RANBP17: variants seen among roughly 807,000 people sequenced by gnomAD.
RANBP17 encodes the protein RAN binding protein 17.
A neutral mutation model predicts 141.2 loss-of-function variants in RANBP17; 158 were observed. The observed-to-expected ratio is 1.12, with a 90% CI of 0.98 to 1.28. The LOEUF is 1.28. Among genes scored for constraint, RANBP17 ranks in the 50% most tolerant of loss-of-function variants. The probability of loss-of-function intolerance (pLI) is 0.00; values close to 1 mark genes in which losing one functional copy is unlikely to be tolerated. For missense variants in RANBP17, 1,438 were observed against 1,290.7 expected, an observed-to-expected ratio of 1.11 and a Z score of -1.75; for synonymous variants, 430 against 450.0, an observed-to-expected ratio of 0.96 and a Z score of 0.56.
Position 171,183,167 on chromosome 5 carries a change from T to TTATA in RANBP17, c.1868_1871dup (p.Leu625TyrfsTer22), listed in dbSNP as rs1311235651. 6.8e-7 allele frequency: 1 copy of TTATA among 1,477,978 alleles called. No individual in the cohort carries two copies. The highest frequency in any genetic ancestry group is 1.1e-5 in the South Asian group (1 of 88,038). The allele number at this position is 1,477,978 out of a possible 1,614,324, so 91.6% of individuals were successfully genotyped here. On this transcript the variant is annotated frameshift_variant and splice_region_variant, in exon 17 of 28. Transcript: ENST00000523189. LOFTEE classifies it high-confidence loss of function. ...CCTTAGATTCCTTAACTTCTATTAC[T>TTATA]TATATCCTTTTAAAAAAACTTGTGA... is the stretch of plus-strand genomic sequence containing the variant.
At chr5:171,219,907 T>G (rs1763445126) in intron 21 of RANBP17, among the ~76,000 whole-genome samples, 1 of 152,070 alleles carries the variant, frequency 6.6e-6, no homozygotes, top group Admixed American at 6.5e-5. Context: ...TTCATCAAAC[T>G]CATTCTCCGT....
chr5:171,232,758 T>C (rs893799294), intron 22 of RANBP17, among the ~76,000 whole-genome samples: 14 of 152,194 alleles, frequency 9.2e-5, no homozygotes, highest in Non-Finnish European at 2.1e-4. Flanking sequence ...AATTTGTTGG[T>C]TTTTATTTAT....
intron 5 of RANBP17, among the ~76,000 whole-genome samples, chr5:170,907,199 A>G (rs1771134361): frequency 6.6e-6 from 1 of 151,910 alleles, no homozygotes; most frequent in African/African-American, 2.4e-5. Context: ...TTTAGAAGCT[A>G]GAGTTTCTGT....
rs1773535603 is a variant in RANBP17 at position 170,933,048 on chromosome 5, T to C, written c.1468+8498T>C. The stretch of plus-strand genomic sequence containing the variant: ...TGTGAATCCATCTGGTCCTGGACTT[T>C]TTTTGGTTGGTAGGCTATTAATTAT... On this transcript the variant is annotated intron_variant, in intron 12 of 27. Coordinates refer to ENST00000523189, the MANE Select transcript of RANBP17 (RefSeq NM_022897.5). Among the ~76,000 whole-genome samples the C allele has an allele frequency of 5.3e-5, 8 of 152,182 alleles. No homozygotes were observed. In the South Asian group the frequency reaches 1.7e-3, roughly 32 times the overall value.
intron 14 of RANBP17, among the ~76,000 whole-genome samples, chr5:171,049,627 T>C (rs1440067222): frequency 2.0e-5 from 3 of 152,190 alleles, no homozygotes; most frequent in Admixed American, 2.0e-4. Context: ...CTTTAATCAA[T>C]CTTGAATTGA....
At chr5:171,173,152 C>A (rs974001131) in intron 16 of RANBP17, among the ~76,000 whole-genome samples, 3 of 151,936 alleles carry the variant, frequency 2.0e-5, no homozygotes, top group African/African-American at 7.2e-5. Context: ...CATGAAATAT[C>A]TTTGAATTCA....
chr5:171,211,270 T>C (rs1762863107), intron 20 of RANBP17, among the ~76,000 whole-genome samples: 1 of 148,534 alleles, frequency 6.7e-6, no homozygotes, highest in African/African-American at 2.5e-5. Context: ...TTTGTAGTAC[T>C]TTTTTTTTTG....
chr5:171,205,075 A>G (rs1283128021), intron 19 of RANBP17, among the ~76,000 whole-genome samples: 1 of 152,174 alleles, frequency 6.6e-6, no homozygotes, highest in East Asian at 1.9e-4. Context: ...GTTATTAAGG[A>G]TATTCATTAG....
At chr5:171,155,094 A>AAAATATATATATATATAT (rs34090443) in intron 14 of RANBP17, among the ~76,000 whole-genome samples, 20 of 74,958 alleles carry the variant, frequency 2.7e-4, no homozygotes, top group African/African-American at 8.9e-4. Flanking sequence ...AAAAAAAAAA[A>AAAATATATATATATATAT]ATATATATAT....
intron 18 of RANBP17, among the ~76,000 whole-genome samples, chr5:171,191,680 C>T (rs1375721156): frequency 6.7e-6 from 1 of 150,006 alleles, no homozygotes; most frequent in Admixed American, 6.6e-5. Flanking sequence ...GAGCGAGACT[C>T]CGTCTCAAAA....
chr5:171,298,916 G>C lies in RANBP17; in HGVS notation c.*58G>C. Reference sequence around the variant, plus strand: ...TTATCAAGAGACTCCTGAAGGTCTGGGTCTCAGGACAGTGATGTTGGCTAG... The same window carrying C: ...TTATCAAGAGACTCCTGAAGGTCTGCGTCTCAGGACAGTGATGTTGGCTAG... On this transcript the variant is annotated 3_prime_UTR_variant, in exon 28 of 28. Transcript: ENST00000523189. 1 of 1,368,928 alleles carries C rather than the reference G, an allele frequency of 7.3e-7. No homozygotes were observed. The highest frequency in any genetic ancestry group is 1.0e-6 in the Non-Finnish European group (1 of 959,412). The allele number at this position is 1,368,928 out of a possible 1,614,324, so 84.8% of individuals were successfully genotyped here.
intron 13 of RANBP17, among the ~76,000 whole-genome samples, chr5:170,961,611 A>G (rs1776152891): frequency 6.6e-6 from 1 of 152,232 alleles, no homozygotes; most frequent in South Asian, 2.1e-4. Flanking sequence ...GGAAATGCTC[A>G]TTGAAGCATT....
At chr5:171,253,298 A>G (rs1420855980) in intron 24 of RANBP17, among the ~76,000 whole-genome samples, 1 of 152,224 alleles carries the variant, frequency 6.6e-6, no homozygotes, top group Non-Finnish European at 1.5e-5. Context: ...AATTGCACCA[A>G]TAATGCCATG....
chr5:171,021,540 T>C (rs1197359595), intron 14 of RANBP17, among the ~76,000 whole-genome samples: 1 of 152,222 alleles, frequency 6.6e-6, no homozygotes, highest in African/African-American at 2.4e-5. Flanking sequence ...ATCTCTGATA[T>C]CTTTTCTTCC....
intron 22 of RANBP17, among the ~76,000 whole-genome samples, chr5:171,235,095 G>A (rs1037768746): frequency 2.6e-5 from 4 of 152,186 alleles, no homozygotes; most frequent in African/African-American, 7.2e-5. Flanking sequence ...ATGTGTCTTG[G>A]AAGACGAGGT....
At chr5:171,174,368 G>A (rs1001428924) in intron 16 of RANBP17, among the ~76,000 whole-genome samples, 1 of 152,092 alleles carries the variant, frequency 6.6e-6, no homozygotes. Flanking sequence ...TTCCTGGTCA[G>A]AAATTTTAGT....
intron 3 of RANBP17, 120 bp from the exon 4 acceptor site, chr5:170,892,267 T>G (rs1769695005): frequency 2.4e-6 from 2 of 822,046 alleles, no homozygotes; most frequent in Admixed American, 5.0e-5. Flanking sequence ...CTGCATGCAT[T>G]AGGTATTTGT....
At chr5:171,124,791 G>C (rs574245123) in intron 14 of RANBP17, among the ~76,000 whole-genome samples, 1 of 152,026 alleles carries the variant, frequency 6.6e-6, no homozygotes, top group Admixed American at 6.5e-5. Context: ...AACAACAAAA[G>C]AGGAAGACCA....
chr5:171,217,792 T>G (rs1763304752), intron 21 of RANBP17, among the ~76,000 whole-genome samples: 1 of 152,162 alleles, frequency 6.6e-6, no homozygotes, highest in Non-Finnish European at 1.5e-5. Context: ...TTCTTCTTCT[T>G]TATTAGTCTA....
Sources: gnomAD v4.1 joint callset for allele counts (sites outside exome capture counted in the v4.1 genomes callset) on GRCh38, gnomAD v4.1.1 for gene constraint, MANE v1.5 for transcripts, NCBI Gene and HGNC (gene_info 2026-07-23, HGNC 2026-07-21) for gene names.